The following PODXL2 variants were observed in gnomAD, a reference collection of about 807,000 sequenced individuals.
PODXL2 encodes podocalyxin like 2, also known as podocalyxin-like protein 2.
Under a neutral mutation model 53.4 loss-of-function variants are expected in PODXL2, and 17 were observed. The observed-to-expected ratio is 0.32, with a 90% CI of 0.22 to 0.48. PODXL2 has a LOEUF of 0.48. PODXL2 is among the 20% of genes least tolerant of loss of function. PODXL2 has a pLI of 0.99. For missense variants in PODXL2, 673 were observed against 760.0 expected, an observed-to-expected ratio of 0.89 and a Z score of 1.35; for synonymous variants, 311 against 306.7, an observed-to-expected ratio of 1.01 and a Z score of -0.15.
chr3:127,650,379 A>G (rs1389207250), intron 2 of PODXL2, among the ~76,000 whole-genome samples: 1 of 152,194 alleles, frequency 6.6e-6, no homozygotes, highest in Admixed American at 6.5e-5. Context: ...GCGGAGAAAT[A>G]AGGCCTAGGG....
rs762714907 is a variant in PODXL2, at chr3:127,661,050, T to C, written c.1022T>C (p.Met341Thr). 1 of 1,614,150 alleles carries C rather than the reference T, an allele frequency of 6.2e-7. No individual in the cohort carries two copies. Among genetic ancestry groups the C allele is most frequent in the East Asian group, 2.2e-5 (1 of 44,880 alleles). ...SASSPLAPGD[M>T]ELTPSSATLG... ...TCTTCCCCACTGGCCCCTGGAGACA[T>C]GGAACTGACACCTTCCTCTGCTACC... The change falls in exon 3 of 8, where the codon ATG (methionine) becomes ACG (threonine). Residue 341 changes from methionine to threonine, a missense_variant. This residue lies in a region of PODXL2 where 588 missense variants were observed against 668.3 expected (regional missense o/e 0.88). Coordinates refer to ENST00000342480, the MANE Select transcript of PODXL2 (RefSeq NM_015720.4).
At chr3:127,652,170 G>C (rs1008699233) in intron 2 of PODXL2, among the ~76,000 whole-genome samples, 1 of 152,218 alleles carries the variant, frequency 6.6e-6, no homozygotes, top group Non-Finnish European at 1.5e-5. Flanking sequence ...GACAAGTCTA[G>C]CATCACAACT....
intron 2 of PODXL2, among the ~76,000 whole-genome samples, chr3:127,642,338 CAG>C (rs1409039734): frequency 2.0e-5 from 3 of 149,260 alleles, no homozygotes; most frequent in Non-Finnish European, 4.4e-5. Context: ...CACGCGGAAA[CAG>C]AAGACACAAT....
intron 2 of PODXL2, among the ~76,000 whole-genome samples, chr3:127,649,138 T>C (rs2074673869): frequency 6.6e-6 from 1 of 152,096 alleles, no homozygotes; most frequent in Non-Finnish European, 1.5e-5. Flanking sequence ...TATAAAAATA[T>C]GCTTTTACAA....
chr3:127,638,264 A>G (rs758352615), intron 1 of PODXL2, among the ~76,000 whole-genome samples: 34 of 152,248 alleles, frequency 2.2e-4, no homozygotes, highest in Non-Finnish European at 3.7e-4. Flanking sequence ...AGAGTGAAAG[A>G]AGAGGAAAAA....
At chr3:127,662,184 T>G in intron 3 of PODXL2, 53 bp from the exon 4 acceptor site, 1 of 1,508,032 alleles carries the variant, frequency 6.6e-7, no homozygotes, top group Non-Finnish European at 9.2e-7. Flanking sequence ...CTCTCCCCTG[T>G]CCCTTTCCTA....
At chr3:127,672,200 C>A (rs926839912) in intron 7 of PODXL2, 68 bp from the exon 8 acceptor site, 36 of 1,371,820 alleles carry the variant, frequency 2.6e-5, no homozygotes, top group Non-Finnish European at 3.5e-5. Context: ...GTTGCACAGA[C>A]GGCCGCGGGC....
At chr3:127,642,127 T>A (rs2074624977) in intron 2 of PODXL2, among the ~76,000 whole-genome samples, 1 of 151,620 alleles carries the variant, frequency 6.6e-6, no homozygotes, top group African/African-American at 2.4e-5. Context: ...CCGTCTCTAC[T>A]AAAAATACAA....
chr3:127,645,987 A>G (rs575382117), intron 2 of PODXL2, among the ~76,000 whole-genome samples: 2 of 152,328 alleles, frequency 1.3e-5, no homozygotes, highest in African/African-American at 2.4e-5. Context: ...CTATCCTAAC[A>G]TGGCCATTAG....
intron 2 of PODXL2, among the ~76,000 whole-genome samples, chr3:127,646,471 T>C (rs1372549937): frequency 6.6e-6 from 1 of 151,804 alleles, no homozygotes; most frequent in Non-Finnish European, 1.5e-5. Flanking sequence ...CACTGCAACC[T>C]CCGCCTCCCA....
chr3:127,658,776 C>T (rs752771800), intron 2 of PODXL2, among the ~76,000 whole-genome samples: 4 of 152,148 alleles, frequency 2.6e-5, no homozygotes, highest in South Asian at 2.1e-4. Flanking sequence ...TTTTATCATT[C>T]ACCTTGATGA....
At chr3:127,668,734 T>A in intron 5 of PODXL2, 137 bp downstream of exon 5, 1 of 874,918 alleles carries the variant, frequency 1.1e-6, no homozygotes, top group Non-Finnish European at 1.7e-6. Flanking sequence ...CTACTTAGCT[T>A]AGTGGTCAAG....
At chr3:127,641,889 A>G (rs1387722675) in intron 2 of PODXL2, among the ~76,000 whole-genome samples, 1 of 152,190 alleles carries the variant, frequency 6.6e-6, no homozygotes, top group Non-Finnish European at 1.5e-5. Context: ...CTACTGTTGA[A>G]TACTTAGGTT....
intron 2 of PODXL2, among the ~76,000 whole-genome samples, chr3:127,656,532 C>T (rs1011580714): frequency 2.0e-5 from 3 of 151,984 alleles, no homozygotes; most frequent in African/African-American, 7.3e-5. Flanking sequence ...GTCAGGAGTT[C>T]GAGACCAGCC....
chr3:127,633,277 G>C (rs1036722852), intron 1 of PODXL2, among the ~76,000 whole-genome samples: 1 of 152,106 alleles, frequency 6.6e-6, no homozygotes, highest in Non-Finnish European at 1.5e-5. Context: ...CTTCCTTCAC[G>C]TATCCTTTGG....
chr3:127,670,718 A>C (rs2074826859), intron 6 of PODXL2, among the ~76,000 whole-genome samples: 1 of 152,110 alleles, frequency 6.6e-6, no homozygotes, highest in Non-Finnish European at 1.5e-5. Context: ...CCCTCACCTG[A>C]GGAGCCCCTG....
chr3:127,664,356 A>G (rs1410798553), intron 4 of PODXL2, among the ~76,000 whole-genome samples: 16 of 151,916 alleles, frequency 1.1e-4, no homozygotes, highest in East Asian at 1.9e-4. Flanking sequence ...AGGCTGAAAA[A>G]TATTCCATTG....
intron 4 of PODXL2, among the ~76,000 whole-genome samples, chr3:127,667,900 G>A (rs2074803868): frequency 6.6e-6 from 1 of 152,336 alleles, no homozygotes; most frequent in South Asian, 2.1e-4. Flanking sequence ...GGCGAGAGGA[G>A]AGCCGCGTTC....
chr3:127,666,028 GTC>G, intron 4 of PODXL2: 2 of 424,982 alleles, frequency 4.7e-6, no homozygotes, highest in South Asian at 1.7e-5. Flanking sequence ...CTTTATTTCT[GTC>G]TCTCTCTAGG....
Sources: allele counts gnomAD v4.1 joint callset (sites outside exome capture counted in the v4.1 genomes callset), GRCh38; gene constraint gnomAD v4.1.1; regional missense constraint gnomAD v4.1.1; transcripts MANE v1.5; gene names NCBI Gene and HGNC (gene_info 2026-07-23, HGNC 2026-07-21).